Variants in SPHKAP observed in about 807,000 individuals in gnomAD.
The protein encoded by SPHKAP is SPHK1 interactor, AKAP domain containing, also known as A-kinase anchor protein SPHKAP.
In SPHKAP, 67 loss-of-function variants were observed where a neutral mutation model predicts 137.5. The observed-to-expected ratio is 0.49, with a 90% CI of 0.40 to 0.60. SPHKAP has a LOEUF of 0.60. SPHKAP is among the 20% of genes least tolerant of loss of function. The probability of loss-of-function intolerance (pLI) is 0.00; values close to 1 mark genes in which losing one functional copy is unlikely to be tolerated. For missense variants in SPHKAP, 2,097 were observed against 2,069.3 expected (o/e 1.01, Z -0.26); for synonymous variants, 813 against 785.3 (o/e 1.04, Z -0.59).
At position 228,139,924 on chromosome 2, in the gene SPHKAP, T is replaced by A. The variant is rs553150138; in HGVS notation, c.33-7839A>T. On this transcript the variant is annotated intron_variant, in intron 1 of 11. Transcript: ENST00000392056. ...TTCTTTATTTATTTTCTTTCTTTCT[T>A]TCTTTCTTTCTTTTTCTTTTCTTTT... Among the ~76,000 whole-genome samples the A allele has an allele frequency of 1.6e-4, 24 of 149,892 alleles. 1 individual carries two copies. In the South Asian group the frequency reaches 4.9e-3, roughly 30 times the overall value.
chr2:228,176,829 C>T (rs906092275), intron 1 of SPHKAP, among the ~76,000 whole-genome samples: 1 of 152,158 alleles, frequency 6.6e-6, no homozygotes, highest in East Asian at 1.9e-4. Context: ...GAGCAGAGAT[C>T]GCGCCATTGC....
chr2:228,067,312 C>G (rs146160380), intron 3 of SPHKAP, among the ~76,000 whole-genome samples: 1 of 152,114 alleles, frequency 6.6e-6, no homozygotes, highest in East Asian at 1.9e-4. Flanking sequence ...ATAAATAGAT[C>G]TATTTTAAAA....
chr2:228,021,657 A>T, intron 6 of SPHKAP, 54 bp downstream of exon 6: 2 of 1,556,824 alleles, frequency 1.3e-6, no homozygotes, highest in East Asian at 2.2e-5. Flanking sequence ...AATCTCACCA[A>T]GACATTTTTA....
chr2:228,140,397 G>A (rs769741556), intron 1 of SPHKAP, among the ~76,000 whole-genome samples: 74 of 152,032 alleles, frequency 4.9e-4, no homozygotes, highest in African/African-American at 1.6e-3. Context: ...TCATATTCCC[G>A]TGTTCTTCCA....
intron 2 of SPHKAP, among the ~76,000 whole-genome samples, chr2:228,124,849 A>G (rs1366192720): frequency 6.6e-6 from 1 of 152,210 alleles, no homozygotes; most frequent in Non-Finnish European, 1.5e-5. Context: ...TCAAAAAGAT[A>G]TGAGCTTAGA....
At chr2:228,043,942 C>G (rs1031320699) in intron 3 of SPHKAP, among the ~76,000 whole-genome samples, 1 of 151,862 alleles carries the variant, frequency 6.6e-6, no homozygotes, top group Non-Finnish European at 1.5e-5. Flanking sequence ...GGTAGAAAGT[C>G]ATGTTTGTAA....
chr2:228,046,974 A>T (rs1349776717), intron 3 of SPHKAP, among the ~76,000 whole-genome samples: 1 of 152,236 alleles, frequency 6.6e-6, no homozygotes, highest in Non-Finnish European at 1.5e-5. Context: ...GAATAAAAGC[A>T]TAAAAAATAT....
At chr2:228,061,736 T>C (rs1247589609) in intron 3 of SPHKAP, among the ~76,000 whole-genome samples, 1 of 151,494 alleles carries the variant, frequency 6.6e-6, no homozygotes, top group African/African-American at 2.4e-5. Context: ...AATATATATA[T>C]ACACACACAC....
intron 3 of SPHKAP, among the ~76,000 whole-genome samples, chr2:228,104,329 T>C (rs1698273294): frequency 1.4e-5 from 2 of 146,010 alleles, no homozygotes; most frequent in Non-Finnish European, 3.0e-5. Flanking sequence ...TAATATTAAA[T>C]AATTTAATAT....
intron 6 of SPHKAP, among the ~76,000 whole-genome samples, chr2:228,020,881 A>C (rs1368852028): frequency 2.0e-5 from 3 of 152,142 alleles, no homozygotes; most frequent in Non-Finnish European, 4.4e-5. Context: ...TACAAATGCA[A>C]GTAGGAGATG....
At chr2:228,171,646 T>G (rs1439442790) in intron 1 of SPHKAP, among the ~76,000 whole-genome samples, 3 of 152,148 alleles carry the variant, frequency 2.0e-5, no homozygotes, top group Non-Finnish European at 1.5e-5. Context: ...AGTATCAACT[T>G]CCTGGTGTAC....
At chr2:228,142,981 T>G (rs1435091939) in intron 1 of SPHKAP, among the ~76,000 whole-genome samples, 1 of 152,178 alleles carries the variant, frequency 6.6e-6, no homozygotes, top group Non-Finnish European at 1.5e-5. Flanking sequence ...CAGCCATGCT[T>G]TCCACGAGGA....
chr2:227,989,461 A>G (rs946950974), intron 11 of SPHKAP, among the ~76,000 whole-genome samples: 7 of 152,156 alleles, frequency 4.6e-5, no homozygotes, highest in Admixed American at 3.9e-4. Context: ...GGATCCTAAA[A>G]CAGTACTCAA....
intron 1 of SPHKAP, among the ~76,000 whole-genome samples, chr2:228,140,219 T>G (rs1004614678): frequency 1.1e-4 from 17 of 151,274 alleles, no homozygotes; most frequent in African/African-American, 4.1e-4. Flanking sequence ...AGTGTGGAGA[T>G]TACAGGTGTG....
chr2:228,072,860 C>T (rs148133230), intron 3 of SPHKAP, among the ~76,000 whole-genome samples: 12 of 152,302 alleles, frequency 7.9e-5, no homozygotes, highest in African/African-American at 2.6e-4. Flanking sequence ...TGGTTCAGCC[C>T]GCGGCCTTCC....
chr2:228,098,442 A>G (rs1156763412), intron 3 of SPHKAP, among the ~76,000 whole-genome samples: 1 of 151,608 alleles, frequency 6.6e-6, no homozygotes, highest in Admixed American at 6.6e-5. Context: ...ATAAAAAATG[A>G]TGAGTTCATG....
At position 228,016,757 on chromosome 2, in the gene SPHKAP, T is replaced by G; in HGVS notation, c.4097A>C (p.Glu1366Ala). The G allele has an allele frequency of 6.2e-7, 1 of 1,614,040 alleles. No individual in the cohort carries two copies. The highest frequency in any genetic ancestry group is 8.5e-7 in the Non-Finnish European group (1 of 1,180,010). ...MCSGPTLLVQESLDCPRKDSV... is the reference protein window; with the variant it reads ...MCSGPTLLVQASLDCPRKDSV... ...GTCTTTCCTCGGGCAATCGAGAGACTCCTGAACAAGCAGAGTTGGCCCACT... is the reference window on the plus strand; with the variant it reads ...GTCTTTCCTCGGGCAATCGAGAGACGCCTGAACAAGCAGAGTTGGCCCACT... The change falls in exon 7 of 12, where the codon GAG (glutamate) becomes GCG (alanine). Residue 1366 changes from glutamate to alanine, a missense_variant. Glu to Ala is a moderately radical substitution (Grantham distance 107, BLOSUM62 -1). Coordinates refer to ENST00000392056, the MANE Select transcript of SPHKAP (RefSeq NM_001142644.2).
chr2:228,146,098 A>C (rs1699767341), intron 1 of SPHKAP, among the ~76,000 whole-genome samples: 1 of 151,992 alleles, frequency 6.6e-6, no homozygotes, highest in South Asian at 2.1e-4. Context: ...TTTTTTTTCA[A>C]AACTATGTTT....
intron 3 of SPHKAP, among the ~76,000 whole-genome samples, chr2:228,093,877 A>AAAAAC (rs1553539845): frequency 4.0e-5 from 6 of 150,902 alleles, no homozygotes; most frequent in Non-Finnish European, 1.5e-5. Context: ...AAAAAAAAAA[A>AAAAAC]AAAAAAAAAC....
Sources: allele counts gnomAD v4.1 joint callset (sites outside exome capture counted in the v4.1 genomes callset), GRCh38; gene constraint gnomAD v4.1.1; transcripts MANE v1.5; gene names NCBI Gene and HGNC (gene_info 2026-07-23, HGNC 2026-07-21).